Variants in LTBP1 observed in about 807,000 individuals in gnomAD.
The protein encoded by LTBP1 is latent-transforming growth factor beta-binding protein 1.
In LTBP1, 129 loss-of-function variants were observed where a neutral mutation model predicts 207.6. The observed-to-expected ratio is 0.62, with a 90% CI of 0.54 to 0.72. The LOEUF (loss-of-function observed/expected upper bound fraction) is 0.72. Ranked by LOEUF, LTBP1 falls within the 30% of genes least tolerant of loss-of-function variation. LTBP1 has a pLI of 0.00. For synonymous variants in LTBP1, 963 were observed against 833.7 expected (o/e 1.16, Z -2.67); for missense variants, 2,281 against 2,217.2 (o/e 1.03, Z -0.58).
rs1344993045 is a variant in LTBP1, at chr2:32,947,620, G to GACC, written c.297_299dup (p.Pro106dup). On this transcript the variant is annotated inframe_insertion, in exon 1 of 34. Coordinates refer to ENST00000404816, the MANE Select transcript of LTBP1 (RefSeq NM_206943.4). ...GGCGGCGCGGCCCTGCAGGGGCTCA[G>GACC]ACCGCCGCCGCCGCCGCCGCCGGAG... 6 of 1,338,628 alleles carry GACC rather than the reference G, an allele frequency of 4.5e-6. No individual in the cohort carries two copies. The African/African-American group carries it at 9.3e-5, about 21-fold the overall frequency. The allele number at this position is 1,338,628 out of a possible 1,614,324, so 82.9% of individuals were successfully genotyped here.
intron 4 of LTBP1, among the ~76,000 whole-genome samples, chr2:33,112,894 C>T (rs944600910): frequency 1.3e-5 from 2 of 152,138 alleles, no homozygotes; most frequent in Non-Finnish European, 2.9e-5. Context: ...AAAGCAGAAG[C>T]TTTTATAGCA....
intron 2 of LTBP1, among the ~76,000 whole-genome samples, chr2:32,949,178 A>G (rs1158761333): frequency 6.6e-6 from 1 of 152,238 alleles, no homozygotes; most frequent in East Asian, 1.9e-4. Context: ...GACTTCTCTG[A>G]ACTCAACAGA....
intron 2 of LTBP1, among the ~76,000 whole-genome samples, chr2:33,013,474 T>G (rs1438112160): frequency 6.6e-6 from 1 of 151,994 alleles, no homozygotes; most frequent in East Asian, 1.9e-4. Context: ...CAGAAAAATT[T>G]TTTTTCTGGG....
chr2:33,301,555 C>T lies in LTBP1; in HGVS notation c.3392C>T (p.Ala1131Val), dbSNP rs754506495. Reference protein sequence around the residue: ...IDECQHRHLCAHGQCRNTEGS... With the variant: ...IDECQHRHLCVHGQCRNTEGS... Reference sequence around the variant, plus strand: ...GAATGCCAGCACCGTCATCTCTGTGCTCATGGGCAGTGCAGGAACACTGAG... The same window carrying T: ...GAATGCCAGCACCGTCATCTCTGTGTTCATGGGCAGTGCAGGAACACTGAG... Residue 1131 changes from alanine (A) to valine (V), a missense_variant, in exon 22 of 34, where the codon GCT becomes GTT. Coordinates refer to ENST00000404816, the MANE Select transcript of LTBP1 (RefSeq NM_206943.4). The T allele has an allele frequency of 3.7e-6, 6 of 1,611,302 alleles. No individual in the cohort carries two copies. The East Asian group carries it at 8.9e-5, about 24-fold the overall frequency.
Position 33,134,696 on chromosome 2 carries a change from T to C in LTBP1, c.1034-97T>C. The C allele has an allele frequency of 1.2e-6, 2 of 1,606,210 alleles. No homozygotes were observed. Among genetic ancestry groups the C allele is most frequent in the Non-Finnish European group, 1.7e-6 (2 of 1,177,454 alleles). On this transcript the variant is annotated intron_variant, in intron 4 of 33. Transcript: ENST00000404816. This position sits in a 1 kb window ranked among gnomAD's most constrained non-coding sequence, Gnocchi z 4.4. ...TCTCTTTTCCCCTCTTGCTCCTTTC[T>C]TTTCTTTTTTTCTGTTTTTTTAAAC...
At chr2:33,367,674 C>T (rs1448487152) in intron 31 of LTBP1, among the ~76,000 whole-genome samples, 1 of 152,144 alleles carries the variant, frequency 6.6e-6, no homozygotes, top group Non-Finnish European at 1.5e-5. Context: ...TGCTGTAAAA[C>T]ACACGATTTT....
chr2:33,273,659 T>C lies in LTBP1; in HGVS notation c.2621T>C (p.Ile874Thr), dbSNP rs999119206. The change falls in exon 16 of 34, where the codon ATC becomes ACC. Residue 874 changes from isoleucine (I) to threonine (T), a missense_variant. Around this residue, in one of 3 missense-constraint regions of LTBP1, gnomAD observed 1,671 missense variants for 1,634.8 expected, o/e 1.02. Coordinates refer to ENST00000404816, the MANE Select transcript of LTBP1 (RefSeq NM_206943.4). ...ATTATTTTATTTACTTTTAAAGAAATCAATGAATGTACTGTGAACCCTGAT... is the reference window on the plus strand; with the variant it reads ...ATTATTTTATTTACTTTTAAAGAAACCAATGAATGTACTGTGAACCCTGAT... ...QVIAPTQVTE[I>T]NECTVNPDIC... is the part of the protein sequence containing the mutation. 2 of 1,599,044 alleles carry C rather than the reference T, an allele frequency of 1.3e-6. No individual in the cohort carries two copies. Among genetic ancestry groups the C allele is most frequent in the East Asian group, 2.3e-5 (1 of 44,220 alleles).
intron 31 of LTBP1, among the ~76,000 whole-genome samples, chr2:33,373,195 C>G (rs1029255103): frequency 6.6e-6 from 1 of 152,118 alleles, no homozygotes; most frequent in African/African-American, 2.4e-5. Context: ...CTTGACTACT[C>G]AGGTGTAGAA....
At chr2:33,120,953 A>G (rs2081073661) in intron 4 of LTBP1, among the ~76,000 whole-genome samples, 1 of 152,212 alleles carries the variant, frequency 6.6e-6, no homozygotes, top group Non-Finnish European at 1.5e-5. Context: ...GTTTCTTAAT[A>G]TTTAGCATGG....
At chr2:33,053,343 A>G (rs2076837146) in intron 3 of LTBP1, among the ~76,000 whole-genome samples, 1 of 152,236 alleles carries the variant, frequency 6.6e-6, no homozygotes, top group African/African-American at 2.4e-5. Flanking sequence ...TGATGAACCT[A>G]CATTGACACA....
intron 26 of LTBP1, among the ~76,000 whole-genome samples, chr2:33,352,524 A>G (rs1206248442): frequency 6.6e-6 from 1 of 152,042 alleles, no homozygotes; most frequent in African/African-American, 2.4e-5. Flanking sequence ...GTCCATCATA[A>G]TATCCTGCCA....
chr2:33,095,358 C>T (rs184656936), intron 3 of LTBP1, among the ~76,000 whole-genome samples: 51 of 152,250 alleles, frequency 3.3e-4, no homozygotes, highest in African/African-American at 1.1e-3. Context: ...CTTGGCTGAT[C>T]CTGGGGAGAC....
intron 24 of LTBP1, among the ~76,000 whole-genome samples, chr2:33,330,787 G>A (rs9308934): frequency 0.32 from 45,730 of 142,394 alleles, 8,194 homozygotes; most frequent in Non-Finnish European, 0.4. Context: ...TTGTTCTTCC[G>A]GACTCAGGTT....
intron 5 of LTBP1, among the ~76,000 whole-genome samples, chr2:33,151,986 A>C (rs543964308): frequency 5.9e-5 from 9 of 151,844 alleles, no homozygotes; most frequent in African/African-American, 2.2e-4. Flanking sequence ...AGTTGGAAAA[A>C]CCCTTCTAGA....
intron 5 of LTBP1, among the ~76,000 whole-genome samples, chr2:33,146,777 TC>T (rs1469318266): frequency 6.6e-6 from 1 of 152,120 alleles, no homozygotes; most frequent in Admixed American, 6.5e-5. Context: ...AACAACCAGA[TC>T]TTGTGAGAAC....
chr2:33,101,465 C>T (rs1389509548), intron 3 of LTBP1, among the ~76,000 whole-genome samples: 1 of 152,206 alleles, frequency 6.6e-6, no homozygotes, highest in Non-Finnish European at 1.5e-5. Context: ...AGAAATCACT[C>T]ATCCTTATCG....
chr2:33,311,092 C>G (rs2094179804), intron 23 of LTBP1, among the ~76,000 whole-genome samples: 1 of 152,086 alleles, frequency 6.6e-6, no homozygotes, highest in African/African-American at 2.4e-5. Flanking sequence ...AAATAACAGT[C>G]TTCTTGTAGG....
At chr2:33,177,841 A>G (rs910272572) in intron 5 of LTBP1, among the ~76,000 whole-genome samples, 11 of 152,224 alleles carry the variant, frequency 7.2e-5, no homozygotes, top group African/African-American at 1.7e-4. Flanking sequence ...AAAGAATGCA[A>G]ATGTAAACTG....
chr2:33,324,572 C>G (rs917012640), intron 24 of LTBP1, among the ~76,000 whole-genome samples: 3 of 151,922 alleles, frequency 2.0e-5, no homozygotes, highest in African/African-American at 4.8e-5. Context: ...CATTTAACAA[C>G]TATTTTATTT....
Sources: allele counts gnomAD v4.1 joint callset (sites outside exome capture counted in the v4.1 genomes callset), GRCh38; gene constraint gnomAD v4.1.1; regional missense constraint gnomAD v4.1.1; non-coding constraint Gnocchi (gnomAD v3.1); transcripts MANE v1.5; gene names NCBI Gene and HGNC (gene_info 2026-07-23, HGNC 2026-07-21).